AK9: variants seen among roughly 807,000 people sequenced by gnomAD.
AK9 encodes the protein adenylate kinase domain containing 1.
A neutral mutation model predicts 239.6 loss-of-function variants in AK9; 191 were observed. The observed-to-expected ratio is 0.80, with a 90% confidence interval of 0.71 to 0.90. AK9 has a LOEUF of 0.90. AK9 is among the 40% of genes least tolerant of loss of function. The pLI is 0.00. For synonymous variants in AK9, 689 were observed against 721.0 expected (o/e 0.96, Z 0.71); for missense variants, 1,995 against 2,214.7 (o/e 0.90, Z 1.99).
At chr6:109,660,913 G>T (rs1029450684) in intron 6 of AK9, 5 of 498,158 alleles carry the variant, frequency 1.0e-5, no homozygotes, top group African/African-American at 7.8e-5. Context: ...CTAGTAGATT[G>T]CTAGCCTTTA....
chr6:109,624,571 C>T (rs1178944239), intron 12 of AK9, among the ~76,000 whole-genome samples: 1 of 152,214 alleles, frequency 6.6e-6, no homozygotes, highest in African/African-American at 2.4e-5. Context: ...TATTGGAATT[C>T]CCAGTCCTTT....
intron 29 of AK9, chr6:109,528,266 T>A (rs1394557243): frequency 2.9e-6 from 1 of 341,496 alleles, no homozygotes; most frequent in African/African-American, 2.2e-5. Context: ...TTTTTGATCC[T>A]AAACATTAGC....
At chr6:109,637,505 T>C (rs1455891083) in intron 10 of AK9, among the ~76,000 whole-genome samples, 1 of 152,176 alleles carries the variant, frequency 6.6e-6, no homozygotes, top group Non-Finnish European at 1.5e-5. Flanking sequence ...GCCCGGCTTC[T>C]ACTGATAGTG....
intron 12 of AK9, among the ~76,000 whole-genome samples, chr6:109,623,973 A>G (rs1795196708): frequency 6.6e-6 from 1 of 151,556 alleles, no homozygotes; most frequent in Non-Finnish European, 1.5e-5. Flanking sequence ...AATAATATGC[A>G]TTATTCATGT....
At chr6:109,503,276 T>C (rs1230342223) in intron 35 of AK9, among the ~76,000 whole-genome samples, 1 of 152,150 alleles carries the variant, frequency 6.6e-6, no homozygotes, top group Non-Finnish European at 1.5e-5. Flanking sequence ...TCTTGGTTGC[T>C]CTTTAGCTCA....
In AK9 at chr6:109,528,912, A is replaced by C. The variant is rs764813404; in HGVS notation, c.3633+99T>G. 4.6e-6 allele frequency: 7 copies of C among 1,534,228 alleles called. No individual in the cohort carries two copies. The East Asian group carries it at 1.2e-4, about 26-fold the overall frequency. On this transcript the variant is annotated intron_variant, in intron 29 of 40. Transcript: ENST00000424296. ...TGAGGTGGGAGGATCCCTTGAGCCC[A>C]GGAGTTCGAGGTTGCAGTGAGCTAT...
intron 21 of AK9, among the ~76,000 whole-genome samples, chr6:109,567,443 C>T (rs938466651): frequency 6.6e-6 from 1 of 152,074 alleles, no homozygotes; most frequent in African/African-American, 2.4e-5. Context: ...AATTAATAGC[C>T]TACCAACCAA....
chr6:109,562,525 T>A (rs1785911507), intron 24 of AK9, among the ~76,000 whole-genome samples: 2 of 152,230 alleles, frequency 1.3e-5, no homozygotes, highest in South Asian at 4.1e-4. Context: ...TGTTTGCAGG[T>A]CACACAATCC....
chr6:109,591,230 A>G (rs7754606), intron 17 of AK9, among the ~76,000 whole-genome samples: 88,485 of 151,918 alleles, frequency 0.58, 27,459 homozygotes, highest in East Asian at 0.84. Context: ...TTTAGAAATG[A>G]CATTTTTCTT....
At chr6:109,530,107 T>G (rs1290125552) in intron 28 of AK9, among the ~76,000 whole-genome samples, 1 of 152,210 alleles carries the variant, frequency 6.6e-6, no homozygotes, top group African/African-American at 2.4e-5. Context: ...GGATCCCCTT[T>G]GATAGGTCTC....
In AK9 at chr6:109,501,439, A is replaced by C. The variant is rs920553547; in HGVS notation, c.4850-2199T>G. ...GGTTTCCATTATGCAATCTCTCCAC[A>C]ATCCTGCTTTTAAACAGGGAGTAGG... On this transcript the variant is annotated intron_variant, in intron 35 of 40. Coordinates refer to ENST00000424296, the MANE Select transcript of AK9 (RefSeq NM_001145128.3). Among the ~76,000 whole-genome samples the C allele has an allele frequency of 6.6e-5, 10 of 152,244 alleles. No homozygotes were observed. The South Asian group carries it at 2.1e-3, about 32-fold the overall frequency.
intron 12 of AK9, 99 bp from the exon 13 acceptor site, chr6:109,619,335 T>C: frequency 7.9e-7 from 1 of 1,261,914 alleles, no homozygotes; most frequent in Non-Finnish European, 1.0e-6. Flanking sequence ...TATTTCTATC[T>C]CTATTCCAAA....
At chr6:109,575,599 T>C (rs1262351560) in intron 20 of AK9, among the ~76,000 whole-genome samples, 1 of 152,218 alleles carries the variant, frequency 6.6e-6, no homozygotes, top group East Asian at 1.9e-4. Context: ...ATGCGTAGTT[T>C]GTGAAGATTT....
At chr6:109,543,314 A>G (rs1444373056) in intron 26 of AK9, among the ~76,000 whole-genome samples, 1 of 152,210 alleles carries the variant, frequency 6.6e-6, no homozygotes, top group Non-Finnish European at 1.5e-5. Flanking sequence ...CCTAAAAATA[A>G]AATCCCTTAA....
At chr6:109,528,825 A>G in intron 29 of AK9, 186 bp downstream of exon 29, 3 of 1,001,134 alleles carry the variant, frequency 3.0e-6, no homozygotes, top group Non-Finnish European at 4.4e-6. Flanking sequence ...AGAGTGTCTT[A>G]AGCCAGAAGG....
chr6:109,554,841 G>T (rs1447474443), intron 24 of AK9, among the ~76,000 whole-genome samples: 1 of 152,080 alleles, frequency 6.6e-6, no homozygotes, highest in Non-Finnish European at 1.5e-5. Context: ...CCAGCAATTT[G>T]TATTTCTGTG....
rs532693156 is a variant in AK9, at chr6:109,612,589, T to C, written c.1610-496A>G. On this transcript the variant is annotated intron_variant, in intron 15 of 40. Coordinates refer to ENST00000424296, the MANE Select transcript of AK9 (RefSeq NM_001145128.3). ...GTTGGGAACTCCACAGCAGCAAAGA[T>C]GAGGCTGTCAGCTGCCATCTGATGG... Among the ~76,000 whole-genome samples the C allele has an allele frequency of 3.3e-5, 5 of 152,232 alleles. No individual in the cohort carries two copies. In the East Asian group the frequency reaches 9.7e-4, roughly 29 times the overall value.
At chr6:109,550,865 A>G (rs898482758) in intron 24 of AK9, among the ~76,000 whole-genome samples, 1 of 152,226 alleles carries the variant, frequency 6.6e-6, no homozygotes, top group Admixed American at 6.5e-5. Context: ...CAAGGGAAAT[A>G]CACTTAAAAA....
chr6:109,547,851 A>T (rs1455810049), intron 25 of AK9, among the ~76,000 whole-genome samples: 1 of 30,490 alleles, frequency 3.3e-5, no homozygotes, highest in Non-Finnish European at 1.0e-4. Flanking sequence ...AGTAGCAAAA[A>T]AAAAAAAAAA....
Sources: allele counts gnomAD v4.1 joint callset (sites outside exome capture counted in the v4.1 genomes callset), GRCh38; gene constraint gnomAD v4.1.1; transcripts MANE v1.5; gene names NCBI Gene and HGNC (gene_info 2026-07-23, HGNC 2026-07-21).